TRRAP: variants seen among roughly 807,000 people sequenced by gnomAD.
The protein encoded by TRRAP is transformation/transcription domain associated protein.
Under a neutral mutation model 438.8 loss-of-function variants are expected in TRRAP, and 41 were observed. That is an observed-to-expected ratio of 0.09 (90% CI 0.07 to 0.12). The LOEUF is 0.12. TRRAP is among the 10% of genes least tolerant of loss of function. TRRAP has a pLI of 1.00. For synonymous variants in TRRAP, 1,994 were observed against 1,962.9 expected, an observed-to-expected ratio of 1.02 and a Z score of -0.42; for missense variants, 3,122 against 5,055.1, an observed-to-expected ratio of 0.62 and a Z score of 11.60.
chr7:98,899,514 C>A lies in TRRAP; in HGVS notation c.711+15C>A. 6.2e-7 allele frequency: 1 copy of A among 1,613,816 alleles called. No individual in the cohort carries two copies. The highest frequency in any genetic ancestry group is 1.1e-5 in the South Asian group (1 of 91,048). On this transcript the variant is annotated intron_variant, in intron 9 of 72. Coordinates refer to ENST00000456197, the MANE Select transcript of TRRAP (RefSeq NM_001375524.1). The stretch of plus-strand genomic sequence containing the variant: ...TAATGTATCAGGTATGTGTATTGCT[C>A]ATTAGTCTCTTGGGTTTTGGGCTTC...
intron 11 of TRRAP, among the ~76,000 whole-genome samples, chr7:98,902,278 GTT>G: frequency 6.6e-6 from 1 of 152,232 alleles, no homozygotes; most frequent in South Asian, 2.1e-4. Context: ...GTGGATTTTT[GTT>G]TCATTTTTTC....
chr7:98,901,863 T>C (rs1337821911), intron 11 of TRRAP, among the ~76,000 whole-genome samples: 1 of 152,238 alleles, frequency 6.6e-6, no homozygotes, highest in Non-Finnish European at 1.5e-5. Flanking sequence ...TATTGAGATA[T>C]AGTTTATGTA....
intron 13 of TRRAP, among the ~76,000 whole-genome samples, chr7:98,907,727 T>C (rs886743): frequency 1 from 151,802 of 152,248 alleles, 75,679 homozygotes; most frequent in Middle Eastern, 1. Flanking sequence ...CTCTGACTTG[T>C]TGCAGCCACA....
At chr7:98,971,145 G>A (rs978395954) in intron 52 of TRRAP, among the ~76,000 whole-genome samples, 7 of 152,084 alleles carry the variant, frequency 4.6e-5, no homozygotes, top group African/African-American at 7.2e-5. Flanking sequence ...TAATAATTTC[G>A]AATTAAAATT....
rs376312202 is a variant in TRRAP, at chr7:98,949,755, C to T, written c.5049C>T (p.Phe1683=). ...QLRRVWVSEN[F]QERHRKENMA... The stretch of plus-strand genomic sequence containing the variant: ...GACGTGTGTGGGTGAGTGAGAACTT[C>T]CAAGAGAGGCACCGCAAGGAGAACA... The change falls in exon 37 of 73, where the codon TTC becomes TTT. Residue 1683 remains phenylalanine, a synonymous_variant. Transcript: ENST00000456197. 4 of 1,613,794 alleles carry T rather than the reference C, an allele frequency of 2.5e-6. No homozygotes were observed. The highest frequency in any genetic ancestry group is 1.7e-5 in the Admixed American group (1 of 60,006).
Position 98,953,424 on chromosome 7 carries a change from C to A in TRRAP, c.5721C>A (p.Ile1907=). ...CCAAATTCGCCATACACAAGAAGAT[C>A]GTCCTGCAGGTATTTTGCAAGCCCC... The part of the protein sequence containing the change: ...IIAKFAIHKK[I]VLQVFHSLLK... The change falls in exon 40 of 73, where the codon ATC becomes ATA. Residue 1907 remains isoleucine (I), a synonymous_variant. Coordinates refer to ENST00000456197, the MANE Select transcript of TRRAP (RefSeq NM_001375524.1). 6.2e-7 allele frequency: 1 copy of A among 1,610,354 alleles called. No individual in the cohort carries two copies. Among genetic ancestry groups the A allele is most frequent in the South Asian group, 1.1e-5 (1 of 91,068 alleles).
At chr7:98,984,872 T>C in intron 61 of TRRAP, 72 bp from the exon 62 acceptor site, 5 of 946,146 alleles carry the variant, frequency 5.3e-6, no homozygotes, top group South Asian at 1.5e-5. Flanking sequence ...CTGCCTAGAT[T>C]AGTATTTTAT....
Position 98,976,168 on chromosome 7 carries a change from C to G in TRRAP, c.7859C>G (p.Ala2620Gly), listed in dbSNP as rs143477790. The G allele has an allele frequency of 3.8e-4, 609 of 1,614,016 alleles. 1 individual carries two copies. In the African/African-American group the frequency reaches 6.7e-3, roughly 18 times the overall value. ...TCATAGACTGGAGCGCTGCTCAGCG[C>G]TTTCGTTCAGCTGTGCCACATTTCC... is the stretch of plus-strand genomic sequence containing the variant. ...REVKTGALLSAFVQLCHISTT... is the reference protein window; with the variant it reads ...REVKTGALLSGFVQLCHISTT... The change falls in exon 54 of 73, where the codon GCT becomes GGT. Residue 2620 changes from alanine to glycine, a missense_variant. Coordinates refer to ENST00000456197, the MANE Select transcript of TRRAP (RefSeq NM_001375524.1). The surrounding 1 kb of genome is among the most constrained non-coding windows in gnomAD (Gnocchi z 4.6).
chr7:98,910,748 A>G, intron 16 of TRRAP, 141 bp downstream of exon 16: 3 of 708,924 alleles, frequency 4.2e-6, no homozygotes, highest in Non-Finnish European at 4.5e-6. Context: ...GTTTTGTTCC[A>G]CAACATAGCA....
At position 98,976,972 on chromosome 7, in the gene TRRAP, C is replaced by G. The variant is rs143671681; in HGVS notation, c.8281C>G (p.Leu2761Val). Residue 2761 changes from leucine (L) to valine (V), a missense_variant, in exon 56 of 73, where the codon CTG becomes GTG. Physicochemically the swap from Leu to Val is conservative, Grantham distance 32. This residue lies in a region of TRRAP where 992 missense variants were observed against 1,281.2 expected (regional missense o/e 0.77). Coordinates refer to ENST00000456197, the MANE Select transcript of TRRAP (RefSeq NM_001375524.1). The surrounding 1 kb of genome is among the most constrained non-coding windows in gnomAD (Gnocchi z 4.6). ...ILDSLAELYSLLQEEDMWAGL... is the reference protein window; with the variant it reads ...ILDSLAELYSVLQEEDMWAGL... ...GGATTCCCTTGCGGAGCTTTACTCC[C>G]TGTTACAAGAGGAAGATATGTGGGC... is the stretch of plus-strand genomic sequence containing the variant. 1 of 1,614,170 alleles carries G rather than the reference C, an allele frequency of 6.2e-7. No individual in the cohort carries two copies. Among genetic ancestry groups the G allele is most frequent in the Non-Finnish European group, 8.5e-7 (1 of 1,180,036 alleles).
intron 30 of TRRAP, among the ~76,000 whole-genome samples, chr7:98,940,106 A>T (rs1562951283): frequency 1.3e-5 from 2 of 149,882 alleles, no homozygotes; most frequent in Non-Finnish European, 3.0e-5. Flanking sequence ...CTGGTGTTGA[A>T]CTCCTGACCT....
chr7:98,933,125 T>G, intron 26 of TRRAP, 116 bp from the exon 27 acceptor site: 1 of 1,362,634 alleles, frequency 7.3e-7, no homozygotes, highest in Non-Finnish European at 9.7e-7. Context: ...TCCCGTTCCC[T>G]AATGAGAAGA....
rs782783022 is a variant in TRRAP, at chr7:98,930,825, G to A, written c.3586G>A (p.Gly1196Arg). The A allele has an allele frequency of 6.2e-7, 1 of 1,614,210 alleles. No individual in the cohort carries two copies. Among genetic ancestry groups the A allele is most frequent in the Non-Finnish European group, 8.5e-7 (1 of 1,180,040 alleles). Residue 1196 changes from glycine to arginine, a missense_variant, in exon 25 of 73, where the codon GGA becomes AGA. Physicochemically the swap from Gly to Arg is moderately radical, Grantham distance 125. This residue lies in a region of TRRAP where 153 missense variants were observed against 223.0 expected (regional missense o/e 0.69). Transcript: ENST00000456197. ...ALLFVMMDLT[G>R]EVSNGAVAMA... ...TCTCTTTGTCATGATGGACTTAACT[G>A]GAGAGGTAGGTGATGGGTGGCCCCA...
At chr7:98,988,126 T>C (rs1408750047) in intron 62 of TRRAP, among the ~76,000 whole-genome samples, 1 of 152,214 alleles carries the variant, frequency 6.6e-6, no homozygotes, top group Admixed American at 6.5e-5. Context: ...TGCGTCTGTA[T>C]CATAAAGCAC....
chr7:98,945,700 G>C lies in TRRAP; in HGVS notation c.4474-47G>C, dbSNP rs550376595. 15 of 1,592,246 alleles carry C rather than the reference G, an allele frequency of 9.4e-6. No individual in the cohort carries two copies. In the African/African-American group the frequency reaches 1.5e-4, roughly 16 times the overall value. ...GTTTGAGTATGTGGGAAGTTTTTATGTAAATAACATAAATAGAAAAAAGAT... is the reference window on the plus strand; with the variant it reads ...GTTTGAGTATGTGGGAAGTTTTTATCTAAATAACATAAATAGAAAAAAGAT... On this transcript the variant is annotated intron_variant, in intron 31 of 72. Coordinates refer to ENST00000456197, the MANE Select transcript of TRRAP (RefSeq NM_001375524.1).
intron 4 of TRRAP, among the ~76,000 whole-genome samples, chr7:98,891,536 CTT>C (rs561135092): frequency 1.4e-4 from 16 of 116,912 alleles, no homozygotes; most frequent in East Asian, 2.7e-4. Context: ...GCATGTAGCT[CTT>C]TTTTTTTTTT....
chr7:98,972,425 C>CA (rs1238797549), intron 53 of TRRAP, among the ~76,000 whole-genome samples: 1 of 152,116 alleles, frequency 6.6e-6, no homozygotes, highest in African/African-American at 2.4e-5. Flanking sequence ...AAACCGTGTA[C>CA]AAAAAATGTG....
At position 98,930,820 on chromosome 7, in the gene TRRAP, T is replaced by C; in HGVS notation, c.3581T>C (p.Leu1194Ser). The C allele has an allele frequency of 6.2e-7, 1 of 1,614,228 alleles. No homozygotes were observed. The highest frequency in any genetic ancestry group is 8.5e-7 in the Non-Finnish European group (1 of 1,180,042). Residue 1194 changes from leucine to serine, a missense_variant, in exon 25 of 73, where the codon TTA becomes TCA. Around this residue, in one of 24 missense-constraint regions of TRRAP, gnomAD observed 153 missense variants for 223.0 expected, o/e 0.69. Coordinates refer to ENST00000456197, the MANE Select transcript of TRRAP (RefSeq NM_001375524.1). ...GCACTTCTCTTTGTCATGATGGACT[T>C]AACTGGAGAGGTAGGTGATGGGTGG... ...LKALLFVMMD[L>S]TGEVSNGAVA...
Position 98,999,540 on chromosome 7 carries a change from A to G in TRRAP, c.10310-4650A>G, listed in dbSNP as rs1416065617. 4 of 725,694 alleles carry G rather than the reference A, an allele frequency of 5.5e-6. No homozygotes were observed. The African/African-American group carries it at 7.1e-5, about 13-fold the overall frequency. 45.0% of individuals were successfully genotyped at this position (725,694 alleles called of 1,614,324 possible). A position where few individuals can be genotyped will look rare whatever the true frequency, so the allele number is the denominator to read the frequency against. ...TGGGGTGCACCAGGGTCTCTTGCTT[A>G]AGAAACTGCATCCAGGCAGACAGGA... On this transcript the variant is annotated intron_variant, in intron 67 of 72. Transcript: ENST00000456197.
Sources: gnomAD v4.1 joint callset for allele counts (sites outside exome capture counted in the v4.1 genomes callset) on GRCh38, gnomAD v4.1.1 for gene constraint, gnomAD v4.1.1 regional missense constraint, Gnocchi (gnomAD v3.1) non-coding constraint, MANE v1.5 for transcripts, NCBI Gene and HGNC (gene_info 2026-07-23, HGNC 2026-07-21) for gene names.